COL5A2: variants seen among roughly 807,000 people sequenced by gnomAD.
COL5A2 encodes collagen alpha-2(V) chain.
COL5A2 carries 23 observed loss-of-function variants against 208.2 expected under a neutral mutation model. The ratio of observed to expected loss-of-function variants is 0.11; its 90% CI spans 0.08 to 0.16. COL5A2 has a LOEUF of 0.16. COL5A2 is among the 10% of genes least tolerant of loss of function. The pLI is 1.00. For missense variants in COL5A2, 1,590 were observed against 1,956.4 expected (o/e 0.81, Z 3.53); for synonymous variants, 625 against 628.5 (o/e 0.99, Z 0.08).
At chr2:189,333,011 T>C in the COL5A2 span, among the ~76,000 whole-genome samples, 1 of 152,096 alleles carries the variant, frequency 6.6e-6, no homozygotes, top group African/African-American at 2.4e-5. Context: ...TTATTTTAAG[T>C]GGAATAATAA....
At chr2:189,085,130 C>A (rs1686626985) in intron 11 of COL5A2, 30 bp downstream of exon 11, 1 of 1,600,782 alleles carries the variant, frequency 6.2e-7, no homozygotes, top group Middle Eastern at 1.7e-4. Flanking sequence ...TCTTCAAAAC[C>A]TGAATGGAAA....
At chr2:189,035,688 AT>A (rs1484428302) in intron 52 of COL5A2, among the ~76,000 whole-genome samples, 1 of 152,132 alleles carries the variant, frequency 6.6e-6, no homozygotes, top group Non-Finnish European at 1.5e-5. Context: ...TAGCTAAATT[AT>A]ATTTCAACTA....
intron 1 of COL5A2, among the ~76,000 whole-genome samples, chr2:189,149,565 A>G (rs778890260): frequency 8.5e-5 from 13 of 152,230 alleles, no homozygotes; most frequent in Non-Finnish European, 4.4e-5. Flanking sequence ...AAAATCGACT[A>G]CACTATTAAC....
intron 7 of COL5A2, among the ~76,000 whole-genome samples, chr2:189,090,040 G>T (rs888176160): frequency 1.3e-4 from 20 of 152,162 alleles, no homozygotes; most frequent in Non-Finnish European, 1.9e-4. Flanking sequence ...GGTCTAGTAA[G>T]GAAGGCATAT....
intron 15 of COL5A2, 105 bp from the exon 16 acceptor site, chr2:189,078,674 C>A (rs1576512363): frequency 4.3e-6 from 4 of 939,240 alleles, no homozygotes; most frequent in Non-Finnish European, 7.1e-6. Flanking sequence ...AATTGGCCAC[C>A]AAGCAGTAGT....
At chr2:189,064,950 G>A in intron 24 of COL5A2, 54 bp downstream of exon 24, 1 of 1,552,446 alleles carries the variant, frequency 6.4e-7, no homozygotes, top group South Asian at 1.1e-5. Flanking sequence ...CTGAAAAATG[G>A]CATCTTCTGG....
chr2:189,415,726 C>G, the COL5A2 span, among the ~76,000 whole-genome samples: 1 of 152,182 alleles, frequency 6.6e-6, no homozygotes, highest in African/African-American at 2.4e-5. Context: ...GTGGCACGAC[C>G]TCGCCTCACT....
At chr2:189,111,030 G>A (rs1392058796) in intron 1 of COL5A2, among the ~76,000 whole-genome samples, 1 of 147,016 alleles carries the variant, frequency 6.8e-6, no homozygotes, top group East Asian at 1.9e-4. Flanking sequence ...AATTCTATTT[G>A]ATATACTAAA....
chr2:189,089,628 C>T (rs1031545622), intron 7 of COL5A2, among the ~76,000 whole-genome samples: 1 of 152,006 alleles, frequency 6.6e-6, no homozygotes, highest in African/African-American at 2.4e-5. Flanking sequence ...TTATGGCAAC[C>T]CTGCACCAAG....
chr2:189,057,876 A>T (rs183457791), intron 33 of COL5A2, among the ~76,000 whole-genome samples: 2 of 152,310 alleles, frequency 1.3e-5, no homozygotes, highest in East Asian at 3.9e-4. Flanking sequence ...GAAAATAATA[A>T]GGGGTCTCAT....
At chr2:189,180,208 A>T (rs1688757475), upstream of COL5A2, among the ~76,000 whole-genome samples, 1 of 151,976 alleles carries the variant, frequency 6.6e-6, no homozygotes, top group African/African-American at 2.4e-5. Context: ...TCACATTTTA[A>T]CCCTTTCTTT....
intron 1 of COL5A2, among the ~76,000 whole-genome samples, chr2:189,169,187 A>G (rs1425154194): frequency 2.6e-5 from 4 of 152,206 alleles, no homozygotes; most frequent in Non-Finnish European, 5.9e-5. Flanking sequence ...AGTTTTTAAT[A>G]GAGACTTCTA....
the COL5A2 span, among the ~76,000 whole-genome samples, chr2:189,252,505 G>A: frequency 1.3e-4 from 19 of 151,944 alleles, no homozygotes; most frequent in Non-Finnish European, 2.6e-4. Flanking sequence ...GCAAACTATC[G>A]CAAGGACAAA....
chr2:189,229,436 A>ACT (rs1352613841), upstream of COL5A2, among the ~76,000 whole-genome samples: 25 of 49,764 alleles, frequency 5.0e-4, no homozygotes, highest in African/African-American at 1.4e-3. Context: ...ATACATACAC[A>ACT]CACACAAAAA....
chr2:189,035,851 G>A (rs1329622925), intron 52 of COL5A2, among the ~76,000 whole-genome samples: 1 of 151,978 alleles, frequency 6.6e-6, no homozygotes, highest in Non-Finnish European at 1.5e-5. Flanking sequence ...TTTCAATTAG[G>A]CTGCCATAAA....
At chr2:189,070,186 C>A (rs1326530478) in intron 18 of COL5A2, among the ~76,000 whole-genome samples, 1 of 152,132 alleles carries the variant, frequency 6.6e-6, no homozygotes, top group Non-Finnish European at 1.5e-5. Flanking sequence ...CTTTGCTCAT[C>A]TGAAATTCAA....
chr2:189,062,422 A>T (rs1686054443), intron 29 of COL5A2, among the ~76,000 whole-genome samples: 1 of 151,990 alleles, frequency 6.6e-6, no homozygotes, highest in Admixed American at 6.6e-5. Flanking sequence ...GACCTCAGGT[A>T]ATCCACCTAC....
chr2:189,163,004 T>A (rs12105388), intron 1 of COL5A2, among the ~76,000 whole-genome samples: 146,696 of 152,158 alleles, frequency 0.96, 70,971 homozygotes, highest in East Asian at 1. Context: ...GTATCTCCCA[T>A]CAAACATGAT....
At position 189,049,410 on chromosome 2, in the gene COL5A2, T is replaced by G. The variant is rs774936724; in HGVS notation, c.3084A>C (p.Lys1028Asn). The stretch of plus-strand genomic sequence containing the variant: ...GGGGCCCCACAGGTCCAGGTGGACC[T>G]TTATCTCCTGTTGCACCAGTTGGTC... The part of the protein sequence containing the change: ...KVGPTGATGD[K>N]GPPGPVGPPG... The change falls in exon 44 of 54, where the codon AAA becomes AAC. Residue 1028 changes from lysine to asparagine, a missense_variant. Lys to Asn is a moderately conservative substitution (Grantham distance 94). Transcript: ENST00000374866. 4.3e-6 allele frequency: 7 copies of G among 1,613,574 alleles called. No individual in the cohort carries two copies. The Admixed American group carries it at 1.2e-4, about 27-fold the overall frequency.
Sources: gnomAD v4.1 joint callset for allele counts (sites outside exome capture counted in the v4.1 genomes callset) on GRCh38, gnomAD v4.1.1 for gene constraint, MANE v1.5 for transcripts, NCBI Gene and HGNC (gene_info 2026-07-23, HGNC 2026-07-21) for gene names.